The following MUCL1 variants were observed in gnomAD, a reference collection of about 807,000 sequenced individuals.
MUCL1 encodes mucin-like protein 1.
In MUCL1, 11 loss-of-function variants were observed where a neutral mutation model predicts 9.2. The ratio of observed to expected loss-of-function variants is 1.19; its 90% CI spans 0.75 to 1.97. The LOEUF (loss-of-function observed/expected upper bound fraction) is 1.97. MUCL1 is among the 30% of genes most tolerant of loss of function. The pLI is 0.00. For missense variants in MUCL1, 144 were observed against 110.9 expected (o/e 1.30, Z -1.34); for synonymous variants, 48 against 40.5 (o/e 1.19, Z -0.71).
At chr12:54,852,629 T>A (rs1194651298), upstream of MUCL1, among the ~76,000 whole-genome samples, 3 of 152,210 alleles carry the variant, frequency 2.0e-5, no homozygotes, top group Non-Finnish European at 4.4e-5. Context: ...TGTTTAATCT[T>A]TTTTTCTTAG....
intron 1 of MUCL1, among the ~76,000 whole-genome samples, chr12:54,832,553 C>G (rs1009860838): frequency 6.6e-6 from 1 of 152,032 alleles, no homozygotes; most frequent in Admixed American, 6.6e-5. Flanking sequence ...TTTGGTTAAA[C>G]GGATAACTGT....
chr12:54,854,958 G>GT (rs909280644), intron 1 of MUCL1, among the ~76,000 whole-genome samples, 158 bp from the exon 2 acceptor site: 6 of 152,146 alleles, frequency 3.9e-5, no homozygotes, highest in African/African-American at 1.4e-4. Flanking sequence ...GTTTTCATGG[G>GT]TTTTATCTTA....
At chr12:54,854,719 G>A in intron 1 of MUCL1, 79 bp downstream of exon 1, 1 of 1,350,642 alleles carries the variant, frequency 7.4e-7, no homozygotes, top group Admixed American at 1.9e-5. Context: ...TGGGCTTATG[G>A]TTGCTTAGAA....
chr12:54,840,298 C>T (rs562124112), intron 1 of MUCL1, among the ~76,000 whole-genome samples: 33 of 152,286 alleles, frequency 2.2e-4, no homozygotes, highest in African/African-American at 7.2e-4. Flanking sequence ...ATACCAGCTG[C>T]AGTAGTAATA....
intron 1 of MUCL1, among the ~76,000 whole-genome samples, chr12:54,841,992 A>G (rs973181023): frequency 6.6e-6 from 1 of 152,132 alleles, no homozygotes; most frequent in African/African-American, 2.4e-5. Context: ...TTTTTCTTCA[A>G]GATTATCTTG....
chr12:54,835,791 C>T (rs889763113), upstream of MUCL1, among the ~76,000 whole-genome samples: 1 of 151,910 alleles, frequency 6.6e-6, no homozygotes, highest in African/African-American at 2.4e-5. Flanking sequence ...CATAAAGGGG[C>T]AATGGATTTG....
At chr12:54,858,058 C>T (rs1011852074) in intron 3 of MUCL1, 135 bp from the exon 4 acceptor site, 1 of 1,059,310 alleles carries the variant, frequency 9.4e-7, no homozygotes, top group Non-Finnish European at 1.4e-6. Context: ...CCCGTAATAA[C>T]AATCCCATGT....
At chr12:54,835,765 T>G (rs1959192244), upstream of MUCL1, among the ~76,000 whole-genome samples, 1 of 152,172 alleles carries the variant, frequency 6.6e-6, no homozygotes, top group African/African-American at 2.4e-5. Context: ...ATGTCTAGTT[T>G]GTTGAGGGTT....
At chr12:54,858,090 T>C in intron 3 of MUCL1, 103 bp from the exon 4 acceptor site, 1 of 1,349,192 alleles carries the variant, frequency 7.4e-7, no homozygotes, top group Non-Finnish European at 1.1e-6. Flanking sequence ...CCCCTGAGTT[T>C]AGTTGACATT....
chr12:54,858,096 A>T (rs1008439958), intron 3 of MUCL1, 97 bp from the exon 4 acceptor site: 2 of 1,416,760 alleles, frequency 1.4e-6, no homozygotes, highest in South Asian at 1.2e-5. Context: ...AGTTTAGTTG[A>T]CATTTGACAC....
chr12:54,842,634 C>G (rs1160884873), intron 1 of MUCL1, among the ~76,000 whole-genome samples: 1 of 148,902 alleles, frequency 6.7e-6, no homozygotes, highest in African/African-American at 2.4e-5. Context: ...TTCTTCCTGT[C>G]TAACTGAAAC....
rs1343871492 is a variant in MUCL1 at position 54,858,047 on chromosome 12, T to A, written c.224-146T>A. On this transcript the variant is annotated intron_variant, in intron 3 of 3. Transcript: ENST00000308796. ...AAGGACAGAAATTGGTTGTTTATCT[T>A]CCCGTAATAACAATCCCATGTTCCT... The A allele has an allele frequency of 7.3e-6, 7 of 957,756 alleles. No homozygotes were observed. The Admixed American group carries it at 1.1e-4, about 16-fold the overall frequency. The allele number at this position is 957,756 out of a possible 1,614,324, so 59.3% of individuals were successfully genotyped here.
At chr12:54,841,328 T>C (rs1259811288) in intron 1 of MUCL1, among the ~76,000 whole-genome samples, 1 of 152,264 alleles carries the variant, frequency 6.6e-6, no homozygotes, top group Non-Finnish European at 1.5e-5. Context: ...CAGATATCTC[T>C]ATAAGATGCT....
intron 1 of MUCL1, among the ~76,000 whole-genome samples, chr12:54,846,595 G>C (rs1184094206): frequency 6.6e-6 from 1 of 152,176 alleles, no homozygotes; most frequent in Non-Finnish European, 1.5e-5. Flanking sequence ...AGTGGGATGA[G>C]CCATGACTGG....
chr12:54,837,166 C>T (rs560209889), upstream of MUCL1, among the ~76,000 whole-genome samples: 15 of 152,132 alleles, frequency 9.9e-5, no homozygotes, highest in South Asian at 2.9e-3. Context: ...CTATCTAGTG[C>T]TGTCAGTAGA....
intron 1 of MUCL1, among the ~76,000 whole-genome samples, chr12:54,841,656 A>G (rs1959212674): frequency 6.6e-6 from 1 of 152,160 alleles, no homozygotes; most frequent in African/African-American, 2.4e-5. Flanking sequence ...GAAAATGTCT[A>G]TTCAGATTCT....
chr12:54,853,758 A>G (rs1303453401), upstream of MUCL1, among the ~76,000 whole-genome samples: 2 of 152,150 alleles, frequency 1.3e-5, no homozygotes, highest in African/African-American at 4.8e-5. Context: ...AAAACCATGT[A>G]TTAAATAAAA....
intron 2 of MUCL1, 186 bp downstream of exon 2, chr12:54,855,343 A>G (rs1036263299): frequency 1.7e-6 from 1 of 596,000 alleles, no homozygotes; most frequent in Non-Finnish European, 3.0e-6. Flanking sequence ...TATTTCTTAT[A>G]CATTCTTAGA....
chr12:54,850,720 T>C (rs1472330313), upstream of MUCL1, among the ~76,000 whole-genome samples: 3 of 152,204 alleles, frequency 2.0e-5, no homozygotes, highest in Non-Finnish European at 4.4e-5. Context: ...TTCTAGATCC[T>C]TGAGGAATTG....
Sources: allele counts gnomAD v4.1 joint callset (sites outside exome capture counted in the v4.1 genomes callset), GRCh38; gene constraint gnomAD v4.1.1; transcripts MANE v1.5; gene names NCBI Gene and HGNC (gene_info 2026-07-23, HGNC 2026-07-21).